Variants in NEDD4L observed in about 807,000 individuals in gnomAD.
NEDD4L encodes the protein NEDD4 like E3 ubiquitin protein ligase, also known as E3 ubiquitin-protein ligase NEDD4-like.
NEDD4L carries 54 observed loss-of-function variants against 148.9 expected under a neutral mutation model. The observed-to-expected ratio is 0.36, with a 90% CI of 0.29 to 0.45. NEDD4L has a LOEUF of 0.45. Ranked by LOEUF, NEDD4L falls within the 20% of genes least tolerant of loss-of-function variation. NEDD4L has a pLI of 1.00. For synonymous variants in NEDD4L, 433 were observed against 440.7 expected (o/e 0.98, Z 0.22); for missense variants, 856 against 1,233.8 (o/e 0.69, Z 4.59).
At chr18:58,176,159 T>C (rs2146856812) in intron 2 of NEDD4L, among the ~76,000 whole-genome samples, 1 of 152,234 alleles carries the variant, frequency 6.6e-6, no homozygotes, top group South Asian at 2.1e-4. Context: ...CCAGTTTTGG[T>C]AAATAAAAGA....
rs373709922 is a variant in NEDD4L, at chr18:58,367,889, A to G, written c.2185+22A>G. 9.0e-5 allele frequency: 145 copies of G among 1,613,762 alleles called. No homozygotes were observed. The African/African-American group carries it at 1.7e-3, about 19-fold the overall frequency. On this transcript the variant is annotated intron_variant, in intron 22 of 30. Coordinates refer to ENST00000400345, the MANE Select transcript of NEDD4L (RefSeq NM_001144967.3). The stretch of plus-strand genomic sequence containing the variant: ...GATGGTAAGTCTTGAAGTAATAAAA[A>G]TAGGTCAGTGCTGCTTGCGGTTTGC...
rs1321802182 is a variant in NEDD4L, at chr18:58,397,436, G to A, written c.*1167G>A. The A allele has an allele frequency of 6.6e-6, 1 of 152,350 alleles. No individual in the cohort carries two copies. Among genetic ancestry groups the A allele is most frequent in the Non-Finnish European group, 1.5e-5 (1 of 68,028 alleles). The allele number at this position is 152,350 out of a possible 1,614,324, so 9.4% of individuals were successfully genotyped here. A position where few individuals can be genotyped will look rare whatever the true frequency, so the allele number is the denominator to read the frequency against. On this transcript the variant is annotated 3_prime_UTR_variant, in exon 31 of 31. Transcript: ENST00000400345. ...CTTTCCGGTGCAATATCTATCAATTGTGAATCTGGCTGCTGGTGTATAAAA... is the reference window on the plus strand; with the variant it reads ...CTTTCCGGTGCAATATCTATCAATTATGAATCTGGCTGCTGGTGTATAAAA...
At chr18:58,177,614 T>C (rs1260404552) in intron 2 of NEDD4L, among the ~76,000 whole-genome samples, 1 of 152,204 alleles carries the variant, frequency 6.6e-6, no homozygotes, top group African/African-American at 2.4e-5. Context: ...AGGCTGGTGA[T>C]CTTGGGGCCT....
intron 11 of NEDD4L, among the ~76,000 whole-genome samples, chr18:58,333,474 C>T (rs982140853): frequency 1.3e-5 from 2 of 152,156 alleles, no homozygotes; most frequent in Admixed American, 1.3e-4. Flanking sequence ...CCTGAGGGTG[C>T]ATCTTAGAGC....
intron 1 of NEDD4L, among the ~76,000 whole-genome samples, chr18:58,133,239 C>T (rs1031926704): frequency 1.3e-5 from 2 of 152,154 alleles, no homozygotes; most frequent in African/African-American, 2.4e-5. Context: ...AACATTTTGA[C>T]GTTTTTGAGG....
At chr18:58,082,578 C>G (rs1052596309) in intron 1 of NEDD4L, among the ~76,000 whole-genome samples, 1 of 151,144 alleles carries the variant, frequency 6.6e-6, no homozygotes, top group South Asian at 2.1e-4. Context: ...TCAAGACCAG[C>G]CCGGCCAACA....
chr18:58,382,168 A>G (rs987937913), intron 24 of NEDD4L, among the ~76,000 whole-genome samples: 2 of 152,244 alleles, frequency 1.3e-5, no homozygotes, highest in Admixed American at 1.3e-4. Context: ...GTGAATGGGA[A>G]CAAGAGCCAG....
intron 1 of NEDD4L, among the ~76,000 whole-genome samples, chr18:58,068,261 A>G (rs2082708373): frequency 7.0e-6 from 1 of 143,320 alleles, no homozygotes; most frequent in African/African-American, 2.6e-5. Flanking sequence ...GTGCAGTGGC[A>G]TGATCTTGGC....
At chr18:58,319,288 G>A (rs1226092264) in intron 6 of NEDD4L, among the ~76,000 whole-genome samples, 1 of 152,212 alleles carries the variant, frequency 6.6e-6, no homozygotes, top group Non-Finnish European at 1.5e-5. Context: ...ATCATTGTGA[G>A]CCTGTGATGT....
intron 2 of NEDD4L, among the ~76,000 whole-genome samples, chr18:58,231,094 A>C (rs1347361278): frequency 6.6e-6 from 1 of 150,810 alleles, no homozygotes; most frequent in East Asian, 1.9e-4. Context: ...ACAAAAATTA[A>C]AAAAAAATTA....
chr18:58,370,697 T>A (rs1212980925), intron 23 of NEDD4L, among the ~76,000 whole-genome samples: 2 of 152,214 alleles, frequency 1.3e-5, no homozygotes, highest in African/African-American at 4.8e-5. Context: ...CAAATCCCAG[T>A]TGCCTCTGCT....
intron 3 of NEDD4L, 150 bp downstream of exon 3, chr18:58,245,658 G>T: frequency 9.5e-6 from 3 of 314,410 alleles, no homozygotes; most frequent in Non-Finnish European, 1.2e-5. Flanking sequence ...CCATATACAA[G>T]TGCATCACTT....
intron 24 of NEDD4L, among the ~76,000 whole-genome samples, chr18:58,379,699 G>C (rs4940672): frequency 0.34 from 52,201 of 151,908 alleles, 10,418 homozygotes; most frequent in African/African-American, 0.55. Flanking sequence ...AGGAGACGGT[G>C]TCACGATCAG....
chr18:58,148,049 T>C (rs1408169412), intron 1 of NEDD4L, among the ~76,000 whole-genome samples: 7 of 140,036 alleles, frequency 5.0e-5, no homozygotes, highest in Admixed American at 2.1e-4. Flanking sequence ...TCTCCCCCCC[T>C]TTTTTTTTTG....
At chr18:58,324,945 T>C in intron 8 of NEDD4L, 51 bp from the exon 9 acceptor site, 1 of 1,551,680 alleles carries the variant, frequency 6.4e-7, no homozygotes, top group Non-Finnish European at 8.8e-7. Flanking sequence ...GACCTCTTAC[T>C]CACAGCCGAA....
At chr18:58,111,004 A>G (rs1401969080) in intron 1 of NEDD4L, among the ~76,000 whole-genome samples, 1 of 152,246 alleles carries the variant, frequency 6.6e-6, no homozygotes, top group Non-Finnish European at 1.5e-5. Context: ...ACCCATTTAC[A>G]GTGTATAATT....
At chr18:58,115,886 C>A (rs2085793457) in intron 1 of NEDD4L, among the ~76,000 whole-genome samples, 1 of 152,230 alleles carries the variant, frequency 6.6e-6, no homozygotes, top group Non-Finnish European at 1.5e-5. Context: ...AAAATCAGTA[C>A]AGTGTGTCTC....
At position 58,262,690 on chromosome 18, in the gene NEDD4L, A is replaced by C. The variant is rs531718644; in HGVS notation, c.297+10636A>C. On this transcript the variant is annotated intron_variant, in intron 5 of 30. Transcript: ENST00000400345. Reference sequence around the variant, plus strand: ...CTCTCAGTGAGCATGTTGAATGCATAATGTTCTCACTGGAGTTCTCCTTTG... The same window carrying C: ...CTCTCAGTGAGCATGTTGAATGCATCATGTTCTCACTGGAGTTCTCCTTTG... Among the ~76,000 whole-genome samples, 37 of 152,030 alleles carry C rather than the reference A, an allele frequency of 2.4e-4. 1 individual carries two copies. The South Asian group carries it at 6.0e-3, about 25-fold the overall frequency.
At chr18:58,348,436 A>G (rs1000857937) in intron 16 of NEDD4L, among the ~76,000 whole-genome samples, 3 of 144,508 alleles carry the variant, frequency 2.1e-5, no homozygotes, top group Middle Eastern at 3.6e-3. Context: ...GGTTCAAGCA[A>G]TTCTCCTAAC....
Sources: gnomAD v4.1 joint callset for allele counts (sites outside exome capture counted in the v4.1 genomes callset) on GRCh38, gnomAD v4.1.1 for gene constraint, MANE v1.5 for transcripts, NCBI Gene and HGNC (gene_info 2026-07-23, HGNC 2026-07-21) for gene names.